CCDC157: variants seen among roughly 807,000 people sequenced by gnomAD.
CCDC157 encodes the protein coiled-coil domain containing 157, also known as coiled-coil domain-containing protein 157.
In CCDC157, 60 loss-of-function variants were observed where a neutral mutation model predicts 70.9. That is an observed-to-expected ratio of 0.85 (90% CI 0.69 to 1.05). The LOEUF is 1.05. Among genes scored for constraint, CCDC157 ranks in the 50% least tolerant of loss-of-function variants. The probability of loss-of-function intolerance (pLI) is 0.00; values close to 1 mark genes in which losing one functional copy is unlikely to be tolerated. For missense variants in CCDC157, 943 were observed against 984.2 expected, an observed-to-expected ratio of 0.96 and a Z score of 0.56; for synonymous variants, 373 against 422.4, an observed-to-expected ratio of 0.88 and a Z score of 1.43.
rs770096259 is a variant in CCDC157 at position 30,370,616 on chromosome 22, G to A, written c.711G>A (p.Val237=). The part of the protein sequence containing the change: ...VQGSLQKVGK[V]VISLCQSQNL... ...GAAGCCTGCAGAAGGTGGGCAAGGTGGTCATCAGCCTGTGTCAGAGCCAGA... is the reference window on the plus strand; with the variant it reads ...GAAGCCTGCAGAAGGTGGGCAAGGTAGTCATCAGCCTGTGTCAGAGCCAGA... Residue 237 remains valine, a synonymous_variant, in exon 5 of 12, where the codon GTG becomes GTA. Transcript: ENST00000338306. 1 of 1,614,096 alleles carries A rather than the reference G, an allele frequency of 6.2e-7. No individual in the cohort carries two copies. Among genetic ancestry groups the A allele is most frequent in the South Asian group, 1.1e-5 (1 of 91,088 alleles).
At position 30,370,359 on chromosome 22, in the gene CCDC157, A is replaced by G; in HGVS notation, c.454A>G (p.Lys152Glu). Reference sequence around the variant, plus strand: ...AAACCAAAGGGAGACTCCCACCTCCAAGCCCACCACCAAGGGCGAGCCAGC... The same window carrying G: ...AAACCAAAGGGAGACTCCCACCTCCGAGCCCACCACCAAGGGCGAGCCAGC... The part of the protein sequence containing the change: ...GANQRETPTS[K>E]PTTKGEPARS... Residue 152 changes from lysine to glutamate, a missense_variant, in exon 5 of 12, where the codon AAG (lysine) becomes GAG (glutamate). By Grantham distance (56) the Lys-to-Glu change is moderately conservative. Transcript: ENST00000338306. 1 of 1,614,000 alleles carries G rather than the reference A, an allele frequency of 6.2e-7. No individual in the cohort carries two copies. Among genetic ancestry groups the G allele is most frequent in the Non-Finnish European group, 8.5e-7 (1 of 1,179,988 alleles).
At chr22:30,359,974 G>C (rs1417505096) in intron 1 of CCDC157, among the ~76,000 whole-genome samples, 1 of 152,050 alleles carries the variant, frequency 6.6e-6, no homozygotes, top group African/African-American at 2.4e-5. Flanking sequence ...GCAAGTCTCT[G>C]TCTTTACAAA....
Position 30,376,287 on chromosome 22 carries a change from C to G in CCDC157, c.1886C>G (p.Pro629Arg). ...ATCCCGCAGGACCGGCTCTGGTCCC[C>G]TTCCAGCAAGGGAACCCAGGGAGCA... is the stretch of plus-strand genomic sequence containing the variant. ...KLIPQDRLWS[P>R]SSKGTQGATP... Residue 629 changes from proline to arginine, a missense_variant, in exon 11 of 12, where the codon CCT (proline) becomes CGT (arginine). By Grantham distance (103) the Pro-to-Arg change is moderately radical (BLOSUM62 -2). Transcript: ENST00000338306. 1 of 1,613,552 alleles carries G rather than the reference C, an allele frequency of 6.2e-7. No homozygotes were observed. Among genetic ancestry groups the G allele is most frequent in the African/African-American group, 1.3e-5 (1 of 74,846 alleles).
upstream of CCDC157, chr22:30,356,681 C>T: frequency 7.3e-7 from 1 of 1,362,624 alleles, no homozygotes; most frequent in South Asian, 1.5e-5. Context: ...GAGTAAGGAG[C>T]GCCCAGGCCA....
chr22:30,364,145 A>C (rs1932555985), intron 2 of CCDC157, among the ~76,000 whole-genome samples: 1 of 152,142 alleles, frequency 6.6e-6, no homozygotes, highest in Non-Finnish European at 1.5e-5. Context: ...AAAATTTTTT[A>C]AATTGCCAGC....
Position 30,370,873 on chromosome 22 carries a change from G to A in CCDC157, c.968G>A (p.Gly323Glu), listed in dbSNP as rs1201467081. 1.9e-6 allele frequency: 3 copies of A among 1,611,994 alleles called. No homozygotes were observed. The highest frequency in any genetic ancestry group is 2.5e-6 in the Non-Finnish European group (3 of 1,179,966). ...KLEQALKQEQ[G>E]ARRRQAEEDE... ...GAGCAGGCGCTGAAACAGGAGCAGG[G>A]GGCACGGCGGCGACAGGCGGAGGAG... Residue 323 changes from glycine (G) to glutamate (E), a missense_variant, in exon 5 of 12, where the codon GGG (glycine) becomes GAG (glutamate). Transcript: ENST00000338306.
chr22:30,369,675 T>C (rs1932850814), intron 4 of CCDC157, 72 bp downstream of exon 4: 2 of 1,233,188 alleles, frequency 1.6e-6, no homozygotes, highest in Non-Finnish European at 2.1e-6. Flanking sequence ...CCTTCACACC[T>C]CGCCCCAGCT....
At position 30,372,106 on chromosome 22, in the gene CCDC157, T is replaced by C. The variant is rs568512072; in HGVS notation, c.1155T>C (p.Gly385=). ...AGGCCCAGCAGCTGCAGGAGGAAGG[T>C]GAGCGCAGGGCGGCAGCGGAGAGGC... ...EAKAQQLQEE[G]ERRAAAERQV... The change falls in exon 7 of 12, where the codon GGT becomes GGC. Residue 385 remains glycine (G), a synonymous_variant. Coordinates refer to ENST00000338306, the MANE Select transcript of CCDC157 (RefSeq NM_001017437.5). The C allele has an allele frequency of 6.4e-7, 1 of 1,553,316 alleles. No homozygotes were observed. The highest frequency in any genetic ancestry group is 8.7e-7 in the Non-Finnish European group (1 of 1,148,790).
chr22:30,369,337 TG>T, intron 3 of CCDC157, 94 bp from the exon 4 acceptor site: 1 of 1,157,234 alleles, frequency 8.6e-7, no homozygotes, highest in Non-Finnish European at 1.2e-6. Context: ...TCTTGATGCC[TG>T]GGCCAGTTCC....
chr22:30,358,520 A>T (rs986461633), intron 1 of CCDC157, among the ~76,000 whole-genome samples: 2 of 152,222 alleles, frequency 1.3e-5, no homozygotes, highest in Non-Finnish European at 2.9e-5. Flanking sequence ...CATCTGCCAC[A>T]TAGCTGGTTT....
In CCDC157 at chr22:30,370,652, G is replaced by A. The variant is rs761945344; in HGVS notation, c.747G>A (p.Ser249=). ...ISLCQSQNLP[S]SLGQFQQLVQ... ...TGTGTCAGAGCCAGAACCTGCCCTC[G>A]TCCTTAGGCCAGTTCCAGCAACTGG... is the stretch of plus-strand genomic sequence containing the variant. Residue 249 remains serine (S), a synonymous_variant, in exon 5 of 12, where the codon TCG becomes TCA. Coordinates refer to ENST00000338306, the MANE Select transcript of CCDC157 (RefSeq NM_001017437.5). 65 of 1,613,842 alleles carry A rather than the reference G, an allele frequency of 4.0e-5. No homozygotes were observed. Among genetic ancestry groups the A allele is most frequent in the Non-Finnish European group, 5.1e-5 (60 of 1,180,004 alleles).
intron 3 of CCDC157, among the ~76,000 whole-genome samples, chr22:30,367,385 G>A (rs1192443568): frequency 1.3e-5 from 2 of 152,046 alleles, no homozygotes; most frequent in African/African-American, 4.8e-5. Context: ...ACAGGTGCCT[G>A]CTGTCACGCC....
At chr22:30,357,668 A>T (rs1363882424) in intron 1 of CCDC157, among the ~76,000 whole-genome samples, 6 of 131,386 alleles carry the variant, frequency 4.6e-5, no homozygotes, top group East Asian at 4.5e-4. Flanking sequence ...CACCCGGCTA[A>T]TTTTTTTTTT....
Position 30,363,295 on chromosome 22 carries a change from G to A in CCDC157, c.-12+1181G>A, listed in dbSNP as rs117254815. 5.9e-5 allele frequency among the ~76,000 whole-genome samples: 9 copies of A among 152,332 alleles called. No homozygotes were observed. The East Asian group carries it at 1.5e-3, about 26-fold the overall frequency. On this transcript the variant is annotated intron_variant, in intron 2 of 11. Coordinates refer to ENST00000338306, the MANE Select transcript of CCDC157 (RefSeq NM_001017437.5). ...AAGATGGACCAGAAGCATTCTGTGT[G>A]GGCCGCAGGGGAACTGGGGAAGAAC...
At chr22:30,375,758 A>G in intron 10 of CCDC157, 95 bp downstream of exon 10, 1 of 1,073,458 alleles carries the variant, frequency 9.3e-7, no homozygotes, top group South Asian at 1.6e-5. Context: ...TGGAGAGCCC[A>G]CCTCATCACA....
At chr22:30,371,573 A>T in intron 5 of CCDC157, 77 bp from the exon 6 acceptor site, 1 of 1,226,178 alleles carries the variant, frequency 8.2e-7, no homozygotes, top group Non-Finnish European at 1.2e-6. Context: ...CCTCCACTCC[A>T]CGGGGCACAC....
In CCDC157 at chr22:30,378,067, G is replaced by T; in HGVS notation, c.*1322G>T. ...GTGGGACTGAGGTCCCCATGTCCTC[G>T]CTGGCTGGCTGTAAGCCAGGTCCTC... On this transcript the variant is annotated 3_prime_UTR_variant, in exon 12 of 12. Transcript: ENST00000338306. The T allele has an allele frequency of 2.1e-6, 1 of 470,210 alleles. No individual in the cohort carries two copies. The highest frequency in any genetic ancestry group is 1.5e-5 in the South Asian group (1 of 64,528). The allele number at this position is 470,210 out of a possible 1,614,324, so 29.1% of individuals were successfully genotyped here.
chr22:30,359,150 T>A (rs1365315954), intron 1 of CCDC157, among the ~76,000 whole-genome samples: 1 of 152,206 alleles, frequency 6.6e-6, no homozygotes, highest in African/African-American at 2.4e-5. Flanking sequence ...CTGAATACAC[T>A]TTCTCCCAGG....
intron 1 of CCDC157, among the ~76,000 whole-genome samples, chr22:30,360,083 A>G (rs1212382778): frequency 1.3e-5 from 2 of 152,216 alleles, no homozygotes; most frequent in African/African-American, 4.8e-5. Context: ...GTTAAAGGTT[A>G]CAATGAGCTA....
Sources: allele counts gnomAD v4.1 joint callset (sites outside exome capture counted in the v4.1 genomes callset), GRCh38; gene constraint gnomAD v4.1.1; transcripts MANE v1.5; gene names NCBI Gene and HGNC (gene_info 2026-07-23, HGNC 2026-07-21).